The following TRRAP variants were observed in gnomAD, a reference collection of about 807,000 sequenced individuals.
The protein encoded by TRRAP is transformation/transcription domain associated protein.
Under a neutral mutation model 438.8 loss-of-function variants are expected in TRRAP, and 41 were observed. The ratio of observed to expected loss-of-function variants is 0.09; its 90% confidence interval spans 0.07 to 0.12. TRRAP has a LOEUF of 0.12. Among genes scored for constraint, TRRAP ranks in the 10% least tolerant of loss-of-function variants. The probability of loss-of-function intolerance (pLI) is 1.00; values close to 1 mark genes in which losing one functional copy is unlikely to be tolerated. For missense variants in TRRAP, 3,122 were observed against 5,055.1 expected, an observed-to-expected ratio of 0.62 and a Z score of 11.60; for synonymous variants, 1,994 against 1,962.9, an observed-to-expected ratio of 1.02 and a Z score of -0.42.
intron 45 of TRRAP, 68 bp from the exon 46 acceptor site, chr7:98,961,193 T>C (rs1584364029): frequency 1.3e-6 from 2 of 1,541,682 alleles, no homozygotes; most frequent in East Asian, 4.5e-5. Flanking sequence ...TGCCAGACTC[T>C]TGTTTCTAGA....
intron 3 of TRRAP, among the ~76,000 whole-genome samples, chr7:98,882,306 A>G (rs995978614): frequency 1.3e-5 from 2 of 151,094 alleles, no homozygotes; most frequent in Non-Finnish European, 2.9e-5. Context: ...TTAGGCTACC[A>G]TGCCTGTTGG....
chr7:98,890,336 A>G lies in TRRAP; in HGVS notation c.152A>G (p.Asn51Ser), dbSNP rs1795909135. 1 of 1,545,546 alleles carries G rather than the reference A, an allele frequency of 6.5e-7. No homozygotes were observed. Among genetic ancestry groups the G allele is most frequent in the Non-Finnish European group, 8.7e-7 (1 of 1,150,696 alleles). Reference protein sequence around the residue: ...MMQEVSENFENVTSSPQYSTF... With the variant: ...MMQEVSENFESVTSSPQYSTF... ...GGTCTTTTATTTTTGCACAATTAGAATGTCACGTCATCTCCTCAGTATTCT... is the reference window on the plus strand; with the variant it reads ...GGTCTTTTATTTTTGCACAATTAGAGTGTCACGTCATCTCCTCAGTATTCT... Residue 51 changes from asparagine to serine, a missense_variant and splice_region_variant, in exon 4 of 73, where the codon AAT (asparagine) becomes AGT (serine). Physicochemically the swap from Asn to Ser is conservative, Grantham distance 46 (BLOSUM62 1). Transcript: ENST00000456197.
At chr7:98,941,547 T>C (rs1790797653) in intron 30 of TRRAP, among the ~76,000 whole-genome samples, 1 of 152,178 alleles carries the variant, frequency 6.6e-6, no homozygotes, top group Non-Finnish European at 1.5e-5. Flanking sequence ...ATTTTATTCC[T>C]TTGGGAAAAA....
chr7:98,879,943 G>A (rs1562921117), intron 1 of TRRAP, among the ~76,000 whole-genome samples: 1 of 152,160 alleles, frequency 6.6e-6, no homozygotes, highest in African/African-American at 2.4e-5. Flanking sequence ...TGCAGAGCAG[G>A]ATTATGCAAG....
chr7:98,969,028 T>C (rs905759939), intron 51 of TRRAP, among the ~76,000 whole-genome samples: 2 of 152,212 alleles, frequency 1.3e-5, no homozygotes, highest in African/African-American at 4.8e-5. Flanking sequence ...CCTTTGCCCC[T>C]GAGTATCTGC....
intron 47 of TRRAP, among the ~76,000 whole-genome samples, chr7:98,963,458 G>A (rs1031830797): frequency 6.6e-6 from 1 of 152,164 alleles, no homozygotes; most frequent in Non-Finnish European, 1.5e-5. Context: ...GACCTCATGG[G>A]CCCTGCCTCC....
At chr7:98,893,709 T>C (rs1204823440) in intron 5 of TRRAP, 89 bp from the exon 6 acceptor site, 45 of 1,138,888 alleles carry the variant, frequency 4.0e-5, no homozygotes, top group Non-Finnish European at 5.5e-5. Context: ...AGTTGGTTGA[T>C]GGAAAGTGTG....
chr7:98,907,507 A>G (rs1562935363), intron 13 of TRRAP, among the ~76,000 whole-genome samples: 1 of 152,212 alleles, frequency 6.6e-6, no homozygotes, highest in Admixed American at 6.5e-5. Context: ...ACTGTTTTCT[A>G]TAGACAATGT....
At chr7:98,997,515 A>G (rs914185430) in intron 67 of TRRAP, among the ~76,000 whole-genome samples, 4 of 143,822 alleles carry the variant, frequency 2.8e-5, no homozygotes, top group Admixed American at 7.0e-5. Context: ...AAAAAAAATT[A>G]GAGTAGGAAG....
chr7:98,934,187 T>G (rs1424331255), intron 27 of TRRAP, among the ~76,000 whole-genome samples: 1 of 152,270 alleles, frequency 6.6e-6, no homozygotes, highest in Admixed American at 6.5e-5. Context: ...AGTAGTGGTC[T>G]GGTGATCAGA....
intron 3 of TRRAP, among the ~76,000 whole-genome samples, chr7:98,886,083 G>A (rs1323647500): frequency 1.3e-5 from 2 of 152,082 alleles, no homozygotes; most frequent in African/African-American, 4.8e-5. Context: ...CCAGGAGTTC[G>A]AGACCAACCT....
chr7:98,949,644 A>T lies in TRRAP; in HGVS notation c.4954-16A>T. ...TTAATCGAGACACGGTTCCCTAATT[A>T]TCTCTTCTTTGACAGATCATAAGCA... On this transcript the variant is annotated splice_polypyrimidine_tract_variant and intron_variant, in intron 36 of 72. Transcript: ENST00000456197. The T allele has an allele frequency of 6.2e-7, 1 of 1,604,826 alleles. No homozygotes were observed. The highest frequency in any genetic ancestry group is 1.1e-5 in the South Asian group (1 of 90,072).
chr7:98,992,517 C>T (rs569794127), intron 65 of TRRAP, among the ~76,000 whole-genome samples: 2 of 151,998 alleles, frequency 1.3e-5, no homozygotes, highest in African/African-American at 4.8e-5. Context: ...TACCTTTCTC[C>T]TTAGTAGTAA....
intron 47 of TRRAP, among the ~76,000 whole-genome samples, chr7:98,964,363 T>C (rs1792057981): frequency 6.6e-6 from 1 of 152,144 alleles, no homozygotes; most frequent in Non-Finnish European, 1.5e-5. Context: ...AAAAATAAAA[T>C]GCAGAACTGA....
intron 28 of TRRAP, among the ~76,000 whole-genome samples, chr7:98,935,930 G>A (rs782616711): frequency 2.6e-5 from 4 of 152,286 alleles, no homozygotes; most frequent in South Asian, 4.1e-4. Context: ...TGAATCAGAC[G>A]TTCTGGTTTA....
chr7:98,940,784 A>G (rs544773131), intron 30 of TRRAP, among the ~76,000 whole-genome samples: 1 of 152,288 alleles, frequency 6.6e-6, no homozygotes, highest in African/African-American at 2.4e-5. Flanking sequence ...TTCCTGAATT[A>G]CACCTGCCTG....
intron 5 of TRRAP, among the ~76,000 whole-genome samples, chr7:98,892,743 G>A (rs1176551662): frequency 2.0e-5 from 3 of 152,190 alleles, no homozygotes; most frequent in Non-Finnish European, 4.4e-5. Flanking sequence ...CTGAGGAATT[G>A]GCCAGACATA....
chr7:98,930,294 C>A, intron 24 of TRRAP, 88 bp downstream of exon 24: 1 of 1,479,866 alleles, frequency 6.8e-7, no homozygotes, highest in Admixed American at 2.0e-5. Flanking sequence ...TTAAGAATTG[C>A]GGCCAGACGC....
At position 98,971,793 on chromosome 7, in the gene TRRAP, T is replaced by G; in HGVS notation, c.7693-6T>G. ...TTTTGGTTTTGCTTGCTGCTTTGTTTCTTAGGATGTAGAGATAGACATCGA... is the reference window on the plus strand; with the variant it reads ...TTTTGGTTTTGCTTGCTGCTTTGTTGCTTAGGATGTAGAGATAGACATCGA... On this transcript the variant is annotated splice_polypyrimidine_tract_variant and splice_region_variant and intron_variant, in intron 52 of 72. Coordinates refer to ENST00000456197, the MANE Select transcript of TRRAP (RefSeq NM_001375524.1). 6.2e-7 allele frequency: 1 copy of G among 1,612,434 alleles called. No homozygotes were observed. The highest frequency in any genetic ancestry group is 8.5e-7 in the Non-Finnish European group (1 of 1,179,508).
Sources: allele counts gnomAD v4.1 joint callset (sites outside exome capture counted in the v4.1 genomes callset), GRCh38; gene constraint gnomAD v4.1.1; transcripts MANE v1.5; gene names NCBI Gene and HGNC (gene_info 2026-07-23, HGNC 2026-07-21).